The following KIF26B variants were observed in gnomAD, a reference collection of about 807,000 sequenced individuals.
The protein encoded by KIF26B is kinesin family member 26B.
KIF26B carries 63 observed loss-of-function variants against 151.2 expected under a neutral mutation model. The observed-to-expected ratio is 0.42, with a 90% CI of 0.34 to 0.51. The LOEUF (loss-of-function observed/expected upper bound fraction) is 0.51, where lower values mean the gene tolerates loss of function less well. Among genes scored for constraint, KIF26B ranks in the 20% least tolerant of loss-of-function variants. The pLI is 0.07. For synonymous variants in KIF26B, 1,357 were observed against 1,262.1 expected (o/e 1.08, Z -1.59); for missense variants, 2,813 against 2,913.6 (o/e 0.97, Z 0.79).
chr1:245,359,508 T>C (rs1277873507), intron 2 of KIF26B, among the ~76,000 whole-genome samples: 2 of 152,174 alleles, frequency 1.3e-5, no homozygotes, highest in African/African-American at 2.4e-5. Flanking sequence ...AGATTCTTAG[T>C]TCCATGGAAA....
Position 245,586,158 on chromosome 1 carries a change from AGTGTGT to A in KIF26B, c.1351-16384_1351-16379del, listed in dbSNP as rs10526699. 2.0e-3 allele frequency among the ~76,000 whole-genome samples: 283 copies of A among 142,188 alleles called. 2 individuals are homozygous for A. The highest frequency in any genetic ancestry group is 5.7e-3 in the African/African-American group (217 of 38,394). The allele number at this position is 142,188 out of a possible 152,430, so 93.3% of individuals were successfully genotyped here. On this transcript the variant is annotated intron_variant, in intron 5 of 14. Coordinates refer to ENST00000407071, the MANE Select transcript of KIF26B (RefSeq NM_018012.4). ...ACTATAGGCACACACCACCATGACC[AGTGTGT>A]GTGTGTGTGTGTGTGTGTGTGTGTG... is the stretch of plus-strand genomic sequence containing the variant.
At chr1:245,657,333 G>A (rs894641141) in intron 10 of KIF26B, among the ~76,000 whole-genome samples, 6 of 152,122 alleles carry the variant, frequency 3.9e-5, no homozygotes, top group Admixed American at 3.3e-4. Flanking sequence ...GAAATCGCGC[G>A]CTGAGAACTA....
intron 5 of KIF26B, among the ~76,000 whole-genome samples, chr1:245,544,570 T>C (rs57067636): frequency 0.028 from 4,329 of 152,234 alleles, 227 homozygotes; most frequent in African/African-American, 0.099. Flanking sequence ...CCAGTGAAGG[T>C]AACAGGTTTT....
At chr1:245,392,913 G>A (rs949377003) in intron 3 of KIF26B, among the ~76,000 whole-genome samples, 2 of 152,114 alleles carry the variant, frequency 1.3e-5, no homozygotes, top group African/African-American at 2.4e-5. Flanking sequence ...GCTCATGCTT[G>A]TAATCCCAGC....
rs761974506 is a variant in KIF26B at position 245,337,414 on chromosome 1, T to G, written c.466-29420T>G. Among the ~76,000 whole-genome samples, 139 of 152,014 alleles carry G rather than the reference T, an allele frequency of 9.1e-4. No homozygotes were observed. In the Middle Eastern group the frequency reaches 0.048, roughly 52 times the overall value. On this transcript the variant is annotated intron_variant, in intron 2 of 14. Transcript: ENST00000407071. ...CCAGGCTGGTCTCGAACTCCTGACT[T>G]CAAGTGATCCATCCACCTCGGCCTC...
rs1253181483 is a variant in KIF26B, at chr1:245,686,104, C to G, written c.3121C>G (p.Pro1041Ala). 1 of 1,608,490 alleles carries G rather than the reference C, an allele frequency of 6.2e-7. No individual in the cohort carries two copies. Among genetic ancestry groups the G allele is most frequent in the Admixed American group, 1.7e-5 (1 of 59,260 alleles). Reference protein sequence around the residue: ...QHSASPLVQSPSLQSSRESLN... With the variant: ...QHSASPLVQSASLQSSRESLN... ...CAGCGCCTCCCCACTCGTGCAGAGC[C>G]CCAGCCTCCAGAGCAGCCGGGAGAG... Residue 1041 changes from proline (P) to alanine (A), a missense_variant, in exon 12 of 15, where the codon CCC becomes GCC. Around this residue, in one of 3 missense-constraint regions of KIF26B, gnomAD observed 2,060 missense variants for 2,088.6 expected, o/e 0.99. Coordinates refer to ENST00000407071, the MANE Select transcript of KIF26B (RefSeq NM_018012.4). The surrounding 1 kb of genome is among the most constrained non-coding windows in gnomAD (Gnocchi z 5.6).
chr1:245,556,315 T>TCCTCCCTCCTCCTCCTC (rs1662031753), intron 5 of KIF26B, among the ~76,000 whole-genome samples: 4 of 130,724 alleles, frequency 3.1e-5, no homozygotes, highest in African/African-American at 1.2e-4. Context: ...TCCTCCTCCT[T>TCCTCCCTCCTCCTCCTC]CTTCTTCTTC....
At chr1:245,250,324 A>G (rs760230834) in intron 2 of KIF26B, among the ~76,000 whole-genome samples, 2 of 152,222 alleles carry the variant, frequency 1.3e-5, no homozygotes, top group Non-Finnish European at 2.9e-5. Context: ...GATGCTCCAC[A>G]TATCAGTTGA....
chr1:245,508,495 C>T (rs1660769554), intron 4 of KIF26B, among the ~76,000 whole-genome samples: 1 of 151,984 alleles, frequency 6.6e-6, no homozygotes, highest in African/African-American at 2.4e-5. Flanking sequence ...CCGCCTCAAC[C>T]TCCCCAAGTG....
chr1:245,464,381 AGGT>A (rs896901666), intron 4 of KIF26B, among the ~76,000 whole-genome samples: 1 of 134,764 alleles, frequency 7.4e-6, no homozygotes, highest in Non-Finnish European at 1.6e-5. Context: ...GGGTGTGTGT[AGGT>A]GTGTGTGTGT....
intron 4 of KIF26B, among the ~76,000 whole-genome samples, chr1:245,432,306 G>T (rs563595973): frequency 2.3e-4 from 35 of 152,188 alleles, no homozygotes; most frequent in Admixed American, 6.5e-4. Context: ...TCAGCTTTCA[G>T]ATGTTTTCGG....
chr1:245,249,489 ATTTT>A (rs60378504), intron 2 of KIF26B, among the ~76,000 whole-genome samples: 39 of 79,776 alleles, frequency 4.9e-4, no homozygotes, highest in African/African-American at 1.1e-3. Context: ...GTGTTAATCT[ATTTT>A]TTTTTTTTTT....
chr1:245,698,340 CGTGGTGG>C lies in KIF26B; in HGVS notation c.6027+33_6027+39del, dbSNP rs1233400117. 2.5e-6 allele frequency: 4 copies of C among 1,587,588 alleles called. No individual in the cohort carries two copies. The highest frequency in any genetic ancestry group is 3.4e-6 in the Non-Finnish European group (4 of 1,163,546). ...CAGCCTCCTTCCCACCCCCTGCCTACGTGGTGGCAGCTCCCCACCAAGCCTGAGCAGG... is the reference window on the plus strand; with the variant it reads ...CAGCCTCCTTCCCACCCCCTGCCTACCAGCTCCCCACCAAGCCTGAGCAGG... On this transcript the variant is annotated intron_variant, in intron 13 of 14. Coordinates refer to ENST00000407071, the MANE Select transcript of KIF26B (RefSeq NM_018012.4). This position sits in a 1 kb window ranked among gnomAD's most constrained non-coding sequence, Gnocchi z 4.0.
At chr1:245,439,979 G>T (rs532190573) in intron 4 of KIF26B, among the ~76,000 whole-genome samples, 16 of 152,272 alleles carry the variant, frequency 1.1e-4, no homozygotes, top group South Asian at 2.1e-4. Flanking sequence ...CCCAGCACTT[G>T]GGGAGGCCGA....
intron 2 of KIF26B, among the ~76,000 whole-genome samples, chr1:245,271,925 T>C (rs904872640): frequency 6.6e-6 from 1 of 152,226 alleles, no homozygotes; most frequent in Non-Finnish European, 1.5e-5. Context: ...TTGAGAAGGA[T>C]TGGCATTAAT....
chr1:245,622,115 A>G (rs2043670631), intron 9 of KIF26B, among the ~76,000 whole-genome samples: 1 of 152,168 alleles, frequency 6.6e-6, no homozygotes, highest in South Asian at 2.1e-4. Flanking sequence ...AACAGATGAT[A>G]TTTTGCTTTA....
chr1:245,554,526 A>C (rs1276221170), intron 5 of KIF26B, among the ~76,000 whole-genome samples: 1 of 152,086 alleles, frequency 6.6e-6, no homozygotes, highest in Non-Finnish European at 1.5e-5. Flanking sequence ...GGATTCCAGA[A>C]GTTGCTATCA....
At chr1:245,482,347 C>T (rs1660185907) in intron 4 of KIF26B, among the ~76,000 whole-genome samples, 2 of 151,866 alleles carry the variant, frequency 1.3e-5, no homozygotes, top group Non-Finnish European at 2.9e-5. Flanking sequence ...CTCAGCCTCC[C>T]AAAGTGCTGG....
chr1:245,325,398 A>T (rs1301587257), intron 2 of KIF26B, among the ~76,000 whole-genome samples: 1 of 152,184 alleles, frequency 6.6e-6, no homozygotes, highest in Non-Finnish European at 1.5e-5. Flanking sequence ...TTGTCCTCAG[A>T]GAATTCATAA....
Sources: allele counts gnomAD v4.1 joint callset (sites outside exome capture counted in the v4.1 genomes callset), GRCh38; gene constraint gnomAD v4.1.1; regional missense constraint gnomAD v4.1.1; non-coding constraint Gnocchi (gnomAD v3.1); transcripts MANE v1.5; gene names NCBI Gene and HGNC (gene_info 2026-07-23, HGNC 2026-07-21).